The following DCHS2 variants were observed in gnomAD, a reference collection of about 807,000 sequenced individuals.
DCHS2 encodes protocadherin-23.
Under a neutral mutation model 182.4 loss-of-function variants are expected in DCHS2, and 142 were observed. The ratio of observed to expected loss-of-function variants is 0.78; its 90% CI spans 0.68 to 0.89. DCHS2 has a LOEUF of 0.89. Among genes scored for constraint, DCHS2 ranks in the 40% least tolerant of loss-of-function variants. The pLI, the probability that DCHS2 is intolerant of heterozygous loss-of-function variation, is 0.00. For synonymous variants in DCHS2, 1,740 were observed against 1,663.3 expected, an observed-to-expected ratio of 1.05 and a Z score of -1.12; for missense variants, 4,319 against 4,198.6, an observed-to-expected ratio of 1.03 and a Z score of -0.79.
Position 154,233,100 on chromosome 4 carries a change from A to G in DCHS2, c.*1436T>C, listed in dbSNP as rs1467124929. ...AAGAACACAAAGGAACTATATCTGT[A>G]GTAGAAGCCCATCCTAACTACTAAG... On this transcript the variant is annotated 3_prime_UTR_variant, in exon 20 of 20. Transcript: ENST00000357232. 1 of 152,194 alleles carries G rather than the reference A, an allele frequency of 6.6e-6. No individual in the cohort carries two copies. Among genetic ancestry groups the G allele is most frequent in the African/African-American group, 2.4e-5 (1 of 41,470 alleles). The allele number at this position is 152,194 out of a possible 1,614,324, so 9.4% of individuals were successfully genotyped here.
intron 1 of DCHS2, among the ~76,000 whole-genome samples, chr4:154,455,710 T>A (rs1734735443): frequency 6.6e-6 from 1 of 152,186 alleles, no homozygotes; most frequent in South Asian, 2.1e-4. Flanking sequence ...CTCAACACAA[T>A]ATTTCAAAAA....
intron 1 of DCHS2, among the ~76,000 whole-genome samples, chr4:154,397,188 T>C (rs1201303033): frequency 6.6e-6 from 1 of 152,188 alleles, no homozygotes; most frequent in Non-Finnish European, 1.5e-5. Context: ...TAAGTCAGCA[T>C]GGGAAAGAGA....
intron 2 of DCHS2, among the ~76,000 whole-genome samples, chr4:154,374,998 AG>A (rs1257087383): frequency 1.3e-5 from 2 of 152,188 alleles, no homozygotes; most frequent in East Asian, 3.8e-4. Context: ...GGTAATCTTA[AG>A]TTAGAACAAA....
At chr4:154,395,226 C>G (rs970909004) in intron 1 of DCHS2, among the ~76,000 whole-genome samples, 2 of 152,150 alleles carry the variant, frequency 1.3e-5, no homozygotes, top group Non-Finnish European at 2.9e-5. Context: ...CATAGTCTTT[C>G]CACAACATTC....
chr4:154,278,174 TA>T (rs570818308), intron 13 of DCHS2, among the ~76,000 whole-genome samples: 91 of 151,960 alleles, frequency 6.0e-4, no homozygotes, highest in African/African-American at 2.1e-3. Flanking sequence ...GAAACTAATT[TA>T]AAAAAACCCA....
intron 1 of DCHS2, among the ~76,000 whole-genome samples, chr4:154,426,862 G>A (rs1243320427): frequency 1.3e-5 from 2 of 152,152 alleles, no homozygotes; most frequent in Non-Finnish European, 2.9e-5. Flanking sequence ...TGCTTGAGAT[G>A]ATGGATTCCC....
chr4:154,393,515 C>A (rs948232308), intron 1 of DCHS2, among the ~76,000 whole-genome samples: 4 of 152,180 alleles, frequency 2.6e-5, no homozygotes, highest in African/African-American at 9.7e-5. Flanking sequence ...GTGTGATAGT[C>A]ACAATGTCTT....
Position 154,236,423 on chromosome 4 carries a change from T to C in DCHS2, c.8229A>G (p.Ser2743=). The C allele has an allele frequency of 2.5e-6, 4 of 1,614,092 alleles. No individual in the cohort carries two copies. Among genetic ancestry groups the C allele is most frequent in the Non-Finnish European group, 3.4e-6 (4 of 1,179,972 alleles). The change falls in exon 20 of 20, where the codon TCA becomes TCG. Residue 2743 remains serine, a synonymous_variant. Transcript: ENST00000357232. ...MTKFTLTVQA[S]DAEKKHFSFA... is the part of the protein sequence containing the mutation. Reference sequence around the variant, plus strand: ...AAGAAAAATGTTTCTTTTCTGCATCTGAAGCTTGGACAGTTAAGGTGAATT... The same window carrying C: ...AAGAAAAATGTTTCTTTTCTGCATCCGAAGCTTGGACAGTTAAGGTGAATT...
At chr4:154,341,753 A>G (rs897592573) in intron 3 of DCHS2, among the ~76,000 whole-genome samples, 1 of 152,150 alleles carries the variant, frequency 6.6e-6, no homozygotes, top group African/African-American at 2.4e-5. Context: ...TAACATCAGA[A>G]GCTCCACTGT....
intron 3 of DCHS2, among the ~76,000 whole-genome samples, chr4:154,340,599 A>G (rs942936237): frequency 9.2e-5 from 14 of 152,236 alleles, no homozygotes; most frequent in Middle Eastern, 3.2e-3. Flanking sequence ...GAAGCAACAC[A>G]TCACTTATTT....
chr4:154,237,068 G>A lies in DCHS2; in HGVS notation c.7584C>T (p.Asp2528=), dbSNP rs757402714. The part of the protein sequence containing the change: ...LVEASDGGNP[D]LRALTLVEIG... ...TCTCCACTAAAGTAAGAGCTCTCAG[G>A]TCAGGATTTCCACCATCACTGGCTT... Residue 2528 remains aspartate (D), a synonymous_variant, in exon 20 of 20, where the codon GAC becomes GAT. Transcript: ENST00000357232. 8.1e-6 allele frequency: 13 copies of A among 1,613,872 alleles called. No homozygotes were observed. Among genetic ancestry groups the A allele is most frequent in the African/African-American group, 1.3e-5 (1 of 74,994 alleles).
At chr4:154,331,787 T>C in intron 5 of DCHS2, 4 of 1,476,538 alleles carry the variant, frequency 2.7e-6, no homozygotes, top group Non-Finnish European at 1.8e-6. Context: ...GCTATCTGAG[T>C]TTCAGTTTTC....
intron 16 of DCHS2, among the ~76,000 whole-genome samples, chr4:154,246,130 G>T (rs989267512): frequency 6.6e-6 from 1 of 152,144 alleles, no homozygotes; most frequent in Admixed American, 6.6e-5. Flanking sequence ...CCAAGGAGAG[G>T]CTCAAGACAT....
intron 1 of DCHS2, among the ~76,000 whole-genome samples, chr4:154,478,776 T>C (rs988897315): frequency 6.6e-6 from 1 of 152,048 alleles, no homozygotes; most frequent in African/African-American, 2.4e-5. Context: ...AGAACTGAAA[T>C]GGGGCTTTCA....
Position 154,240,616 on chromosome 4 carries a change from T to G in DCHS2, c.7280A>C (p.His2427Pro). The stretch of plus-strand genomic sequence containing the variant: ...GACTACAAGTGCTCCCTCTGTGTAG[T>G]GCACTGAATCAGAAATTTGGATGAG... ...ELLIQISDSV[H>P]YTEGALVVRV... Residue 2427 changes from histidine to proline, a missense_variant, in exon 18 of 20, where the codon CAC becomes CCC. His to Pro is a moderately conservative substitution (Grantham distance 77, BLOSUM62 -2). Transcript: ENST00000357232. 6.2e-7 allele frequency: 1 copy of G among 1,613,968 alleles called. No homozygotes were observed. The highest frequency in any genetic ancestry group is 8.5e-7 in the Non-Finnish European group (1 of 1,179,922).
At chr4:154,487,817 A>C (rs1343800780) in intron 1 of DCHS2, among the ~76,000 whole-genome samples, 1 of 152,218 alleles carries the variant, frequency 6.6e-6, no homozygotes, top group Non-Finnish European at 1.5e-5. Context: ...GGCTAGATAT[A>C]TTTACTCAAG....
At chr4:154,458,960 A>T (rs1734887340) in intron 1 of DCHS2, among the ~76,000 whole-genome samples, 1 of 152,236 alleles carries the variant, frequency 6.6e-6, no homozygotes, top group South Asian at 2.1e-4. Flanking sequence ...TCTGATCTAA[A>T]AAATACCAAA....
chr4:154,334,606 G>T, intron 4 of DCHS2: 1 of 381,132 alleles, frequency 2.6e-6, no homozygotes, highest in South Asian at 3.8e-5. Context: ...GGTTATAGGA[G>T]ACATATATTT....
intron 1 of DCHS2, among the ~76,000 whole-genome samples, chr4:154,439,929 A>G (rs1041594440): frequency 6.6e-6 from 1 of 152,222 alleles, no homozygotes; most frequent in African/African-American, 2.4e-5. Flanking sequence ...CCACATTGTA[A>G]TTAAAGGAAA....
Sources: gnomAD v4.1 joint callset for allele counts (sites outside exome capture counted in the v4.1 genomes callset) on GRCh38, gnomAD v4.1.1 for gene constraint, MANE v1.5 for transcripts, NCBI Gene and HGNC (gene_info 2026-07-23, HGNC 2026-07-21) for gene names.